C12orf54: variants seen among roughly 807,000 people sequenced by gnomAD.
C12orf54 encodes the protein chromosome 12 open reading frame 54, also known as uncharacterized protein C12orf54.
C12orf54 carries 24 observed loss-of-function variants against 26.4 expected under a neutral mutation model. That is an observed-to-expected ratio of 0.91 (90% CI 0.66 to 1.28). The LOEUF (loss-of-function observed/expected upper bound fraction) is 1.28, where lower values mean the gene tolerates loss of function less well. Ranked by LOEUF, C12orf54 falls within the 50% of genes most tolerant of loss-of-function variation. The pLI is 0.00. For synonymous variants in C12orf54, 54 were observed against 47.0 expected (o/e 1.15, Z -0.61); for missense variants, 154 against 150.9 (o/e 1.02, Z -0.11).
the C12orf54 span, among the ~76,000 whole-genome samples, chr12:48,457,619 T>C: frequency 1.3e-5 from 2 of 152,126 alleles, no homozygotes; most frequent in African/African-American, 4.8e-5. Flanking sequence ...AGTCCCGGGC[T>C]TCTCTGCCAG....
At chr12:48,484,414 T>C (rs1474650815) in intron 2 of C12orf54, among the ~76,000 whole-genome samples, 1 of 151,868 alleles carries the variant, frequency 6.6e-6, no homozygotes, top group African/African-American at 2.4e-5. Flanking sequence ...GATATTGGAG[T>C]CTCCTAGACT....
the C12orf54 span, among the ~76,000 whole-genome samples, chr12:48,420,318 T>C: frequency 2.6e-5 from 4 of 152,194 alleles, no homozygotes; most frequent in African/African-American, 9.6e-5. Flanking sequence ...TATGTATGGA[T>C]GTATTGACCA....
chr12:48,447,508 C>T, the C12orf54 span, among the ~76,000 whole-genome samples: 1 of 152,160 alleles, frequency 6.6e-6, no homozygotes, highest in Admixed American at 6.5e-5. Context: ...CTTGCTCCTC[C>T]AGACTTGCCC....
chr12:48,426,025 T>C, the C12orf54 span, among the ~76,000 whole-genome samples: 1 of 151,782 alleles, frequency 6.6e-6, no homozygotes, highest in East Asian at 2.0e-4. Context: ...TTTATCCCAT[T>C]CTGTAGGTTG....
chr12:48,419,225 C>G, the C12orf54 span, among the ~76,000 whole-genome samples: 1 of 152,160 alleles, frequency 6.6e-6, no homozygotes, highest in African/African-American at 2.4e-5. Context: ...GAGAAGGCAG[C>G]AGGATATACG....
At chr12:48,484,092 G>A in intron 2 of C12orf54, among the ~76,000 whole-genome samples, 1 of 152,228 alleles carries the variant, frequency 6.6e-6, no homozygotes, top group East Asian at 1.9e-4. Flanking sequence ...CTATTTGGGA[G>A]GCTGAGGCAG....
chr12:48,464,593 A>C, the C12orf54 span, among the ~76,000 whole-genome samples: 1 of 152,302 alleles, frequency 6.6e-6, no homozygotes, highest in East Asian at 1.9e-4. Flanking sequence ...TGGAACCAAA[A>C]AAGTGCCCAT....
At chr12:48,472,252 T>C in the C12orf54 span, among the ~76,000 whole-genome samples, 1 of 152,294 alleles carries the variant, frequency 6.6e-6, no homozygotes, top group Admixed American at 6.5e-5. Flanking sequence ...GCAGAGTCTT[T>C]AGGGTTTTCT....
At chr12:48,493,685 A>G (rs1290297068) in intron 7 of C12orf54, among the ~76,000 whole-genome samples, 1 of 151,996 alleles carries the variant, frequency 6.6e-6, no homozygotes, top group Non-Finnish European at 1.5e-5. Flanking sequence ...AAGAAAATTA[A>G]TGAAAGTTAA....
chr12:48,462,118 T>C, the C12orf54 span, among the ~76,000 whole-genome samples: 1 of 151,586 alleles, frequency 6.6e-6, no homozygotes, highest in Non-Finnish European at 1.5e-5. Flanking sequence ...TGAGAAAAGA[T>C]TTATTTTAAT....
At chr12:48,442,526 C>T in the C12orf54 span, 324 of 158,348 alleles carry the variant, frequency 2.0e-3, 1 homozygote, top group Non-Finnish European at 3.8e-3. Flanking sequence ...CCCCACCAGC[C>T]CTGAACACAG....
chr12:48,483,692 T>A (rs1261698411), intron 2 of C12orf54, among the ~76,000 whole-genome samples: 1 of 152,166 alleles, frequency 6.6e-6, no homozygotes, highest in African/African-American at 2.4e-5. Context: ...AGGTCAACCA[T>A]CTAAAATCAA....
chr12:48,434,229 T>C, the C12orf54 span, among the ~76,000 whole-genome samples: 2 of 152,150 alleles, frequency 1.3e-5, no homozygotes, highest in African/African-American at 4.8e-5. Flanking sequence ...GCGCCCGCCA[T>C]TGCCCAGGGT....
the C12orf54 span, among the ~76,000 whole-genome samples, chr12:48,422,473 T>A: frequency 1.3e-5 from 2 of 152,326 alleles, no homozygotes; most frequent in South Asian, 4.1e-4. Context: ...CTTTGAACTC[T>A]AGAAGAGTTT....
At chr12:48,452,150 G>T in the C12orf54 span, among the ~76,000 whole-genome samples, 2 of 152,110 alleles carry the variant, frequency 1.3e-5, no homozygotes, top group Non-Finnish European at 2.9e-5. Context: ...TAAATCAATG[G>T]AACAGAATAG....
the C12orf54 span, among the ~76,000 whole-genome samples, chr12:48,457,318 AT>A: frequency 6.6e-6 from 1 of 150,500 alleles, no homozygotes; most frequent in Non-Finnish European, 1.5e-5. Flanking sequence ...GTGGTTTTTT[AT>A]TTTTGTTTAG....
the C12orf54 span, among the ~76,000 whole-genome samples, chr12:48,441,027 C>T: frequency 6.6e-6 from 1 of 152,138 alleles, no homozygotes; most frequent in African/African-American, 2.4e-5. Context: ...AATTCTAACA[C>T]CACGATTTAT....
At chr12:48,460,609 A>G in the C12orf54 span, among the ~76,000 whole-genome samples, 1 of 152,146 alleles carries the variant, frequency 6.6e-6, no homozygotes, top group East Asian at 1.9e-4. Context: ...AGAAAATAGT[A>G]ATATATTTTG....
At chr12:48,479,219 G>A (rs1434544916), upstream of C12orf54, among the ~76,000 whole-genome samples, 5 of 152,088 alleles carry the variant, frequency 3.3e-5, no homozygotes. Flanking sequence ...GTAGGGACAT[G>A]GATGAAACAG....
Sources: allele counts gnomAD v4.1 joint callset (sites outside exome capture counted in the v4.1 genomes callset), GRCh38; gene constraint gnomAD v4.1.1; transcripts MANE v1.5; gene names NCBI Gene and HGNC (gene_info 2026-07-23, HGNC 2026-07-21).